LMNTD2: variants seen among roughly 807,000 people sequenced by gnomAD.
LMNTD2 encodes lamin tail domain containing 2.
In LMNTD2, 83 loss-of-function variants were observed where a neutral mutation model predicts 70.1. That is an observed-to-expected ratio of 1.18 (90% confidence interval 0.99 to 1.42). The LOEUF (loss-of-function observed/expected upper bound fraction) is 1.42, where lower values mean the gene tolerates loss of function less well. Among genes scored for constraint, LMNTD2 ranks in the 40% most tolerant of loss-of-function variants. The probability of loss-of-function intolerance (pLI) is 0.00; values close to 1 mark genes in which losing one functional copy is unlikely to be tolerated. For missense variants in LMNTD2, 1,153 were observed against 905.9 expected (o/e 1.27, Z -3.50); for synonymous variants, 534 against 406.1 (o/e 1.31, Z -3.79).
chr11:556,024 G>A lies in LMNTD2; in HGVS notation c.1349C>T (p.Ala450Val), dbSNP rs1422433457. 5 of 1,557,228 alleles carry A rather than the reference G, an allele frequency of 3.2e-6. No homozygotes were observed. Among genetic ancestry groups the A allele is most frequent in the East Asian group, 2.6e-5 (1 of 39,050 alleles). Residue 450 changes from alanine (A) to valine (V), a missense_variant, in exon 11 of 14, where the codon GCG becomes GTG. Physicochemically the swap from Ala to Val is moderately conservative, Grantham distance 64. Transcript: ENST00000329451. ...GCCCTTGGGGCTCAGGAGCAGCGTC[G>A]CGCAGCCGCGGATGGAGAGGAGGGG... ...PVPLLSIRGC[A>V]TLLLSPKGEV...
chr11:558,505 G>A (rs989445844), intron 3 of LMNTD2, 109 bp downstream of exon 3: 1 of 1,379,258 alleles, frequency 7.3e-7, no homozygotes, highest in African/African-American at 1.4e-5. Flanking sequence ...CGCGGGCAAG[G>A]ATGAGGGTAA....
At chr11:556,775 C>T in intron 8 of LMNTD2, 60 bp downstream of exon 8, 1 of 1,479,896 alleles carries the variant, frequency 6.8e-7, no homozygotes, top group South Asian at 1.4e-5. Flanking sequence ...AGTGAGATCA[C>T]AGCTCTGAGG....
rs1399192653 is a variant in LMNTD2 at position 555,424 on chromosome 11, C to T, written c.1654G>A (p.Glu552Lys). ...REGPARPENPEIPAPQHLPAI... is the reference protein window; with the variant it reads ...REGPARPENPKIPAPQHLPAI... The stretch of plus-strand genomic sequence containing the variant: ...GGCAGGTGCTGCGGCGCGGGGATCT[C>T]GGGGTTCTCGGGCCGCGCAGGCCCC... Residue 552 changes from glutamate to lysine, a missense_variant, in exon 13 of 14, where the codon GAG becomes AAG. Glu to Lys is a moderately conservative substitution (Grantham distance 56). Transcript: ENST00000329451. The T allele has an allele frequency of 1.4e-6, 2 of 1,394,892 alleles. No individual in the cohort carries two copies. Among genetic ancestry groups the T allele is most frequent in the East Asian group, 3.0e-5 (1 of 33,878 alleles). 86.4% of individuals were successfully genotyped at this position (1,394,892 alleles called of 1,614,324 possible). A position where few individuals can be genotyped will look rare whatever the true frequency, so the allele number is the denominator to read the frequency against.
chr11:555,808 G>T lies in LMNTD2; in HGVS notation c.1500C>A (p.Arg500=). ...GGGGTCGAGGTGGGCGCGGCGGCTT[G>T]CGGGTGTCGGCGCCGGGCCCGGCCT... is the stretch of plus-strand genomic sequence containing the variant. ...LPEAGPGADT[R]KPPRPPRPLR... The change falls in exon 12 of 14, where the codon CGC becomes CGA. Residue 500 remains arginine (R), a synonymous_variant. Coordinates refer to ENST00000329451, the MANE Select transcript of LMNTD2 (RefSeq NM_173573.3). 1 of 1,528,208 alleles carries T rather than the reference G, an allele frequency of 6.5e-7. No individual in the cohort carries two copies. 94.7% of individuals were successfully genotyped at this position (1,528,208 alleles called of 1,614,324 possible).
Position 555,729 on chromosome 11 carries a change from C to A in LMNTD2, c.1574+5G>T. On this transcript the variant is annotated splice_donor_5th_base_variant and intron_variant, in intron 12 of 13. Transcript: ENST00000329451. ...GGCCAGATCCCGGGGACCCGCGGTC[C>A]CCACCCTGGTCTCCGGCGACTGACC... 1 of 1,391,244 alleles carries A rather than the reference C, an allele frequency of 7.2e-7. No individual in the cohort carries two copies. The highest frequency in any genetic ancestry group is 9.2e-7 in the Non-Finnish European group (1 of 1,083,840). 86.2% of individuals were successfully genotyped at this position (1,391,244 alleles called of 1,614,324 possible). A position where few individuals can be genotyped will look rare whatever the true frequency, so the allele number is the denominator to read the frequency against.
intron 1 of LMNTD2, chr11:559,622 G>T: frequency 8.4e-7 from 1 of 1,183,932 alleles, no homozygotes; most frequent in Non-Finnish European, 1.1e-6. Flanking sequence ...GGATAAATAG[G>T]GGGGCACTGC....
At chr11:555,525 G>A (rs753253168) in intron 12 of LMNTD2, 22 bp from the exon 13 acceptor site, 8 of 1,347,214 alleles carry the variant, frequency 5.9e-6, no homozygotes, top group East Asian at 3.0e-5. Flanking sequence ...AGGGTCGTGA[G>A]GGCGGCGGCC....
At chr11:560,475 G>C (rs961357668) in intron 1 of LMNTD2, 1 of 1,255,124 alleles carries the variant, frequency 8.0e-7, no homozygotes, top group Admixed American at 4.2e-5. Context: ...GTGACCCTGC[G>C]ACCCCGCGAC....
Position 555,896 on chromosome 11 carries a change from G to A in LMNTD2, c.1412C>T (p.Thr471Ile). The part of the protein sequence containing the change: ...LSEHRIPRRE[T>I]PAPRVFADGT... ...GTCGGCGAAGACCCTCGGGGCCGGA[G>A]TCTCGCGGCGTGGGATCCGGTGCTC... Residue 471 changes from threonine to isoleucine, a missense_variant, in exon 12 of 14, where the codon ACT (threonine) becomes ATT (isoleucine). Physicochemically the swap from Thr to Ile is moderately conservative, Grantham distance 89 (BLOSUM62 -1). Transcript: ENST00000329451. The A allele has an allele frequency of 6.4e-7, 1 of 1,566,338 alleles. No homozygotes were observed. Among genetic ancestry groups the A allele is most frequent in the Non-Finnish European group, 8.6e-7 (1 of 1,161,560 alleles).
Position 557,935 on chromosome 11 carries a change from G to C in LMNTD2, c.504C>G (p.Ala168=). ...NLQKSCLLQL[A]RSSWVGRMLR... ...GCATGCGGCCCACCCACGAGGAGCG[G>C]GCCAGCTGCAGGAGGCAGGACTTCT... Residue 168 remains alanine, a synonymous_variant, in exon 5 of 14, where the codon GCC becomes GCG. Transcript: ENST00000329451. 6.3e-7 allele frequency: 1 copy of C among 1,595,032 alleles called. No individual in the cohort carries two copies. Among genetic ancestry groups the C allele is most frequent in the Non-Finnish European group, 8.5e-7 (1 of 1,170,326 alleles).
At chr11:558,281 C>T (rs1404623358) in intron 3 of LMNTD2, 33 bp from the exon 4 acceptor site, 15 of 1,604,944 alleles carry the variant, frequency 9.3e-6, no homozygotes, top group Non-Finnish European at 1.3e-5. Context: ...AGCCCCCACC[C>T]TGCTCAGGCA....
chr11:559,913 C>T (rs1853168370), intron 1 of LMNTD2: 1 of 317,528 alleles, frequency 3.1e-6, no homozygotes, highest in Admixed American at 5.5e-5. Flanking sequence ...GCACCCGCCT[C>T]CACCGCCAGG....
Position 560,671 on chromosome 11 carries a change from C to T in LMNTD2, c.34+12G>A, listed in dbSNP as rs1026862131. The T allele has an allele frequency of 2.8e-6, 4 of 1,433,178 alleles. No homozygotes were observed. Among genetic ancestry groups the T allele is most frequent in the African/African-American group, 3.0e-5 (2 of 67,212 alleles). The allele number at this position is 1,433,178 out of a possible 1,614,324, so 88.8% of individuals were successfully genotyped here. A position where few individuals can be genotyped will look rare whatever the true frequency, so the allele number is the denominator to read the frequency against. ...TGAGGAAGTCGGCCCAGGAGCGGGG[C>T]CAGACACCTACCCCGACGCCTGCCC... is the stretch of plus-strand genomic sequence containing the variant. On this transcript the variant is annotated intron_variant, in intron 1 of 13. Coordinates refer to ENST00000329451, the MANE Select transcript of LMNTD2 (RefSeq NM_173573.3).
intron 3 of LMNTD2, 119 bp from the exon 4 acceptor site, chr11:558,367 C>A: frequency 8.1e-7 from 1 of 1,232,200 alleles, no homozygotes; most frequent in Non-Finnish European, 1.1e-6. Context: ...CCCAAGGGCA[C>A]ACAGTACAGC....
In LMNTD2 at chr11:559,080, C is replaced by A. The variant is rs189469880; in HGVS notation, c.35-101G>T. ...TTCGGGAGCTGGGAGGGGTGGGGGG[C>A]CCGTCTGCCGTGTGCGCCTCGTGTG... On this transcript the variant is annotated intron_variant, in intron 1 of 13. Coordinates refer to ENST00000329451, the MANE Select transcript of LMNTD2 (RefSeq NM_173573.3). The A allele has an allele frequency of 1.9e-4, 300 of 1,548,512 alleles. 1 individual carries two copies. The East Asian group carries it at 5.3e-3, about 27-fold the overall frequency.
In LMNTD2 at chr11:560,729, C is replaced by A. The variant is rs1853227205; in HGVS notation, c.-13G>T. 15 of 1,423,034 alleles carry A rather than the reference C, an allele frequency of 1.1e-5. No individual in the cohort carries two copies. The highest frequency in any genetic ancestry group is 1.4e-5 in the Non-Finnish European group (15 of 1,080,966). The allele number at this position is 1,423,034 out of a possible 1,614,324, so 88.2% of individuals were successfully genotyped here. On this transcript the variant is annotated 5_prime_UTR_variant, in exon 1 of 14. Transcript: ENST00000329451. ...GCAGCCACCGCATTTCCGCGTTTTT[C>A]GCGGTAGGCGGGAGGTGGGGGCGGG... is the stretch of plus-strand genomic sequence containing the variant.
At chr11:558,589 T>TTGGGC (rs1335934799) in intron 3 of LMNTD2, 25 bp downstream of exon 3, 1 of 1,586,684 alleles carries the variant, frequency 6.3e-7, no homozygotes, top group Non-Finnish European at 8.6e-7. Context: ...CGGGGTTGGG[T>TTGGGC]TGGGCTGGGG....
chr11:556,818 G>A lies in LMNTD2; in HGVS notation c.976+17C>T. The A allele has an allele frequency of 6.5e-7, 1 of 1,542,930 alleles. No individual in the cohort carries two copies. Among genetic ancestry groups the A allele is most frequent in the Non-Finnish European group, 8.8e-7 (1 of 1,140,914 alleles). ...GGGTGGGTGAAGGGTAACCAGGGGA[G>A]ACCCGCCCCACTGCACCTTCTGAGT... is the stretch of plus-strand genomic sequence containing the variant. On this transcript the variant is annotated intron_variant, in intron 8 of 13. Transcript: ENST00000329451.
In LMNTD2 at chr11:554,878, G is replaced by A. The variant is rs1475830276; in HGVS notation, c.*102C>T. On this transcript the variant is annotated 3_prime_UTR_variant, in exon 14 of 14. Transcript: ENST00000329451. The stretch of plus-strand genomic sequence containing the variant: ...GGTGTACAGAAATGCGGTTTACTTT[G>A]TAGGCCACGTTGGTTCAATAAATGA... 3.7e-6 allele frequency: 3 copies of A among 814,584 alleles called. No individual in the cohort carries two copies. Among genetic ancestry groups the A allele is most frequent in the Non-Finnish European group, 5.4e-6 (3 of 556,144 alleles). 50.5% of individuals were successfully genotyped at this position (814,584 alleles called of 1,614,324 possible).
Sources: allele counts gnomAD v4.1 joint callset, GRCh38; gene constraint gnomAD v4.1.1; transcripts MANE v1.5; gene names NCBI Gene and HGNC (gene_info 2026-07-23, HGNC 2026-07-21).